Variants in RYR2 observed in about 807,000 individuals in gnomAD.
RYR2 encodes ryanodine receptor 2.
A neutral mutation model predicts 601.1 loss-of-function variants in RYR2; 227 were observed. The ratio of observed to expected loss-of-function variants is 0.38; its 90% confidence interval spans 0.34 to 0.42. The LOEUF (loss-of-function observed/expected upper bound fraction) is 0.42. Among genes scored for constraint, RYR2 ranks in the 10% least tolerant of loss-of-function variants. The probability of loss-of-function intolerance (pLI) is 1.00; values close to 1 mark genes in which losing one functional copy is unlikely to be tolerated. For synonymous variants in RYR2, 2,223 were observed against 2,175.1 expected, an observed-to-expected ratio of 1.02 and a Z score of -0.61; for missense variants, 4,646 against 6,156.5, an observed-to-expected ratio of 0.75 and a Z score of 8.21.
At chr1:237,816,836 C>T (rs935811925) in intron 100 of RYR2, among the ~76,000 whole-genome samples, 1 of 152,100 alleles carries the variant, frequency 6.6e-6, no homozygotes, top group Admixed American at 6.5e-5. Flanking sequence ...TTTCAAGCAC[C>T]AAGTTTTGAA....
intron 7 of RYR2, among the ~76,000 whole-genome samples, chr1:237,376,332 C>T (rs1701030929): frequency 6.6e-6 from 1 of 152,144 alleles, no homozygotes. Context: ...TTCACTTATT[C>T]ACTCATGCAA....
intron 63 of RYR2, among the ~76,000 whole-genome samples, chr1:237,690,410 T>G (rs2148982601): frequency 6.6e-6 from 1 of 152,332 alleles, no homozygotes; most frequent in African/African-American, 2.4e-5. Flanking sequence ...TGTGAAATAA[T>G]TCATGTTAAA....
At chr1:237,783,461 T>C (rs1695293295) in intron 89 of RYR2, among the ~76,000 whole-genome samples, 1 of 152,216 alleles carries the variant, frequency 6.6e-6, no homozygotes, top group African/African-American at 2.4e-5. Context: ...ATATTTTATG[T>C]GTGTCAGTCT....
At chr1:237,098,764 C>T (rs141849494) in intron 1 of RYR2, among the ~76,000 whole-genome samples, 1 of 151,972 alleles carries the variant, frequency 6.6e-6, no homozygotes. Context: ...TTTCCAGGAA[C>T]GTGGTGGAAA....
intron 25 of RYR2, among the ~76,000 whole-genome samples, chr1:237,531,639 T>C (rs1475801043): frequency 6.6e-6 from 1 of 152,146 alleles, no homozygotes; most frequent in Non-Finnish European, 1.5e-5. Flanking sequence ...TTTAAGCAAG[T>C]CTCTAGTTCA....
chr1:237,814,627 T>G (rs1382722960), intron 100 of RYR2, among the ~76,000 whole-genome samples: 1 of 152,100 alleles, frequency 6.6e-6, no homozygotes, highest in African/African-American at 2.4e-5. Flanking sequence ...CTGATAGAAT[T>G]TGAACCTCCT....
chr1:237,314,344 G>A (rs1694900237), intron 2 of RYR2, among the ~76,000 whole-genome samples: 1 of 152,122 alleles, frequency 6.6e-6, no homozygotes, highest in South Asian at 2.1e-4. Flanking sequence ...GATTACAGGC[G>A]TGAGCCACCA....
chr1:237,213,555 A>G (rs1682820899), intron 1 of RYR2, among the ~76,000 whole-genome samples: 1 of 152,032 alleles, frequency 6.6e-6, no homozygotes, highest in South Asian at 2.1e-4. Context: ...TGAGTTTCCT[A>G]CTTAATACAT....
At chr1:237,729,880 C>CAT (rs1690523757) in intron 76 of RYR2, among the ~76,000 whole-genome samples, 2 of 152,118 alleles carry the variant, frequency 1.3e-5, no homozygotes, top group African/African-American at 4.8e-5. Context: ...TATCGAGAGA[C>CAT]ATGTTATATG....
At chr1:237,218,370 C>T (rs568015929) in intron 1 of RYR2, among the ~76,000 whole-genome samples, 1 of 152,158 alleles carries the variant, frequency 6.6e-6, no homozygotes, top group Non-Finnish European at 1.5e-5. Flanking sequence ...TCATTGAACA[C>T]CTACTGTGCA....
At chr1:237,184,410 C>A (rs1221807862) in intron 1 of RYR2, among the ~76,000 whole-genome samples, 1 of 152,062 alleles carries the variant, frequency 6.6e-6, no homozygotes, top group African/African-American at 2.4e-5. Flanking sequence ...CCTCAAATTA[C>A]GGAATACAAT....
At chr1:237,611,988 A>G (rs1019493617) in intron 36 of RYR2, among the ~76,000 whole-genome samples, 4 of 152,170 alleles carry the variant, frequency 2.6e-5, no homozygotes, top group African/African-American at 9.7e-5. Flanking sequence ...TCATAGAAGC[A>G]TTATGAACAA....
At chr1:237,529,238 A>G (rs1293307614) in intron 24 of RYR2, among the ~76,000 whole-genome samples, 1 of 152,080 alleles carries the variant, frequency 6.6e-6, no homozygotes, top group African/African-American at 2.4e-5. Context: ...AATCCCTTTC[A>G]ACGTGCACAT....
chr1:237,236,197 C>T (rs993830410), intron 1 of RYR2, among the ~76,000 whole-genome samples: 2 of 152,166 alleles, frequency 1.3e-5, no homozygotes, highest in Non-Finnish European at 2.9e-5. Context: ...AAGGGTGCAC[C>T]TGCCCTGTTT....
At chr1:237,102,418 A>G (rs1408932478) in intron 1 of RYR2, among the ~76,000 whole-genome samples, 1 of 152,202 alleles carries the variant, frequency 6.6e-6, no homozygotes, top group African/African-American at 2.4e-5. Context: ...CTTCTCACTA[A>G]ATACAGATAC....
intron 1 of RYR2, among the ~76,000 whole-genome samples, chr1:237,139,954 T>C (rs1673207878): frequency 6.6e-6 from 1 of 152,236 alleles, no homozygotes. Flanking sequence ...CAGTGATGTG[T>C]AGGCGATGTG....
At chr1:237,821,112 A>T (rs1020692896) in intron 101 of RYR2, among the ~76,000 whole-genome samples, 3 of 152,180 alleles carry the variant, frequency 2.0e-5, no homozygotes, top group African/African-American at 7.2e-5. Context: ...AGTAGACTTA[A>T]ACGTCCCTGC....
chr1:237,497,191 C>A (rs891988551), intron 20 of RYR2, among the ~76,000 whole-genome samples: 1 of 152,076 alleles, frequency 6.6e-6, no homozygotes, highest in Non-Finnish European at 1.5e-5. Flanking sequence ...AGACTAAGTT[C>A]AGCCTTCTGT....
chr1:237,579,313 G>A (rs1012779106), intron 29 of RYR2, among the ~76,000 whole-genome samples: 12 of 144,736 alleles, frequency 8.3e-5, no homozygotes, highest in African/African-American at 2.9e-4. Flanking sequence ...CTGGACTGCA[G>A]TGGCGTGATC....
Sources: allele counts gnomAD v4.1 joint callset (sites outside exome capture counted in the v4.1 genomes callset), GRCh38; gene constraint gnomAD v4.1.1; transcripts MANE v1.5; gene names NCBI Gene and HGNC (gene_info 2026-07-23, HGNC 2026-07-21).